The following UST variants were observed in gnomAD, a reference collection of about 807,000 sequenced individuals.
UST encodes uronyl 2-sulfotransferase, also known as chondroitin sulfate 2-O-sulfotransferase.
In UST, 21 loss-of-function variants were observed where a neutral mutation model predicts 45.6. The observed-to-expected ratio is 0.46, with a 90% CI of 0.33 to 0.66. The LOEUF (loss-of-function observed/expected upper bound fraction) is 0.66, where lower values mean the gene tolerates loss of function less well. UST is among the 30% of genes least tolerant of loss of function. UST has a pLI of 0.02. For missense variants in UST, 463 were observed against 512.4 expected, an observed-to-expected ratio of 0.90 and a Z score of 0.93; for synonymous variants, 215 against 200.6, an observed-to-expected ratio of 1.07 and a Z score of -0.61.
At chr6:148,863,810 A>C (rs1353111030) in intron 1 of UST, among the ~76,000 whole-genome samples, 1 of 152,222 alleles carries the variant, frequency 6.6e-6, no homozygotes, top group Non-Finnish European at 1.5e-5. Flanking sequence ...CGGAGGCTGC[A>C]GAACAGCAAA....
At chr6:148,807,038 A>T (rs1375877359) in intron 1 of UST, among the ~76,000 whole-genome samples, 1 of 152,184 alleles carries the variant, frequency 6.6e-6, no homozygotes, top group Admixed American at 6.5e-5. Flanking sequence ...GTTTCCTTTT[A>T]TGTCTCTCTT....
intron 7 of UST, among the ~76,000 whole-genome samples, chr6:149,027,466 T>C (rs551836249): frequency 6.6e-6 from 1 of 152,318 alleles, no homozygotes; most frequent in Admixed American, 6.5e-5. Flanking sequence ...CTAATACCAG[T>C]GTATCATGTA....
At chr6:148,891,460 G>A (rs1175190720) in intron 2 of UST, among the ~76,000 whole-genome samples, 2 of 152,270 alleles carry the variant, frequency 1.3e-5, no homozygotes, top group South Asian at 2.1e-4. Flanking sequence ...TAAGCACTTT[G>A]CATGCAAAAT....
intron 5 of UST, among the ~76,000 whole-genome samples, chr6:148,983,270 C>T (rs1014060156): frequency 2.0e-5 from 3 of 152,136 alleles, no homozygotes; most frequent in Non-Finnish European, 2.9e-5. Flanking sequence ...ATCTTACCAG[C>T]GGCTCTTGGA....
chr6:148,845,436 G>A (rs964008574), intron 1 of UST, among the ~76,000 whole-genome samples: 1 of 152,074 alleles, frequency 6.6e-6, no homozygotes, highest in African/African-American at 2.4e-5. Flanking sequence ...TACATCAGTG[G>A]TTCATTGATT....
chr6:149,050,101 C>T (rs1450651398), intron 7 of UST, among the ~76,000 whole-genome samples: 2 of 152,166 alleles, frequency 1.3e-5, no homozygotes, highest in Admixed American at 1.3e-4. Flanking sequence ...ACGGTACAAA[C>T]ACCATTAAGG....
chr6:148,811,559 A>G (rs1383871913), intron 1 of UST, among the ~76,000 whole-genome samples: 1 of 152,192 alleles, frequency 6.6e-6, no homozygotes, highest in African/African-American at 2.4e-5. Context: ...ACATGAAGCT[A>G]TCTTATTTTG....
At chr6:149,017,383 AAAC>A (rs1775919254) in intron 5 of UST, among the ~76,000 whole-genome samples, 1 of 152,088 alleles carries the variant, frequency 6.6e-6, no homozygotes, top group African/African-American at 2.4e-5. Flanking sequence ...TCAAAAAAAA[AAAC>A]AAAAAAAGTA....
At chr6:148,918,564 C>T (rs1020119161) in intron 2 of UST, among the ~76,000 whole-genome samples, 1 of 152,114 alleles carries the variant, frequency 6.6e-6, no homozygotes, top group African/African-American at 2.4e-5. Context: ...AAACAAAATA[C>T]TCTCTTTTTT....
chr6:148,759,678 C>A (rs900706113), intron 1 of UST, among the ~76,000 whole-genome samples: 5 of 151,080 alleles, frequency 3.3e-5, no homozygotes, highest in African/African-American at 1.2e-4. Flanking sequence ...GAAACCCCGT[C>A]TGTACTAAAA....
intron 2 of UST, among the ~76,000 whole-genome samples, chr6:148,900,391 G>T (rs1258041572): frequency 1.3e-5 from 2 of 152,168 alleles, no homozygotes; most frequent in Non-Finnish European, 2.9e-5. Flanking sequence ...GACCCAGTGG[G>T]AGGCAATTGA....
At chr6:149,012,945 A>G (rs1433102151) in intron 5 of UST, among the ~76,000 whole-genome samples, 2 of 152,202 alleles carry the variant, frequency 1.3e-5, no homozygotes, top group Non-Finnish European at 2.9e-5. Context: ...AGTAACTGGT[A>G]TAAATGATTT....
chr6:148,786,400 T>A (rs7760844), intron 1 of UST, among the ~76,000 whole-genome samples: 11 of 151,862 alleles, frequency 7.2e-5, no homozygotes, highest in East Asian at 3.9e-4. Flanking sequence ...CCCCCTGCCC[T>A]CGAAATGGCC....
chr6:148,761,560 T>C (rs563737661), intron 1 of UST, among the ~76,000 whole-genome samples: 1 of 151,644 alleles, frequency 6.6e-6, no homozygotes, highest in Non-Finnish European at 1.5e-5. Flanking sequence ...CATACAGATT[T>C]AGATACTTCA....
At chr6:148,813,377 A>G (rs1288832234) in intron 1 of UST, among the ~76,000 whole-genome samples, 1 of 145,634 alleles carries the variant, frequency 6.9e-6, no homozygotes, top group Admixed American at 7.1e-5. Context: ...AGTTCCTATA[A>G]CAGAATAATT....
chr6:149,030,492 A>T (rs1172987150), intron 7 of UST, among the ~76,000 whole-genome samples: 2 of 148,920 alleles, frequency 1.3e-5, no homozygotes, highest in African/African-American at 2.5e-5. Flanking sequence ...AAAAAAAATT[A>T]AAATTAAATA....
chr6:148,978,051 T>G (rs753124575), intron 5 of UST, among the ~76,000 whole-genome samples: 8 of 152,208 alleles, frequency 5.3e-5, no homozygotes, highest in Non-Finnish European at 1.0e-4. Context: ...TTTTACATAT[T>G]ATTACTGTTA....
intron 1 of UST, among the ~76,000 whole-genome samples, chr6:148,859,791 A>G (rs569080365): frequency 1.3e-5 from 2 of 152,296 alleles, no homozygotes; most frequent in African/African-American, 2.4e-5. Flanking sequence ...TTTGTCAAAG[A>G]TCAGATGGTT....
intron 3 of UST, among the ~76,000 whole-genome samples, chr6:148,946,656 T>C (rs1425773523): frequency 6.8e-6 from 1 of 146,998 alleles, no homozygotes; most frequent in African/African-American, 2.5e-5. Context: ...CTAAACAAAA[T>C]ACAAAAAATT....
Sources: gnomAD v4.1 joint callset for allele counts (sites outside exome capture counted in the v4.1 genomes callset) on GRCh38, gnomAD v4.1.1 for gene constraint, MANE v1.5 for transcripts, NCBI Gene and HGNC (gene_info 2026-07-23, HGNC 2026-07-21) for gene names.